Variants in CDH12 observed in about 807,000 individuals in gnomAD.
CDH12 encodes cadherin-12.
CDH12 carries 41 observed loss-of-function variants against 74.1 expected under a neutral mutation model. The observed-to-expected ratio is 0.55, with a 90% CI of 0.43 to 0.72. The LOEUF is 0.72. CDH12 is among the 30% of genes least tolerant of loss of function. The probability of loss-of-function intolerance (pLI) is 0.00; values close to 1 mark genes in which losing one functional copy is unlikely to be tolerated. For missense variants in CDH12, 945 were observed against 977.2 expected, an observed-to-expected ratio of 0.97 and a Z score of 0.44; for synonymous variants, 399 against 355.0, an observed-to-expected ratio of 1.12 and a Z score of -1.39.
intron 2 of CDH12, among the ~76,000 whole-genome samples, chr5:22,492,350 G>GA (rs11395240): frequency 0.91 from 135,354 of 148,490 alleles, 61,736 homozygotes; most frequent in Admixed American, 0.95. Flanking sequence ...TACTAAAAAT[G>GA]TTTTTTTTTT....
At chr5:22,115,724 G>A (rs1349480129) in intron 4 of CDH12, among the ~76,000 whole-genome samples, 1 of 113,774 alleles carries the variant, frequency 8.8e-6, no homozygotes, top group Non-Finnish European at 1.7e-5. Flanking sequence ...ACAGACTCTC[G>A]CCCTGTCACC....
chr5:22,535,407 T>C (rs569312737), intron 1 of CDH12, among the ~76,000 whole-genome samples: 8 of 152,008 alleles, frequency 5.3e-5, no homozygotes, highest in South Asian at 2.1e-4. Context: ...CCGCCCGCCT[T>C]GGCCTCCCAA....
chr5:21,918,469 G>T (rs1470776776), intron 6 of CDH12, among the ~76,000 whole-genome samples: 1 of 151,940 alleles, frequency 6.6e-6, no homozygotes, highest in African/African-American at 2.4e-5. Context: ...AAAGGAAAAA[G>T]GTTTAATTGA....
In CDH12 at chr5:22,430,824, C is replaced by CTT. The variant is rs199599709; in HGVS notation, c.-427-25475_-427-25474dup. On this transcript the variant is annotated intron_variant, in intron 2 of 14. Transcript: ENST00000382254. ...GCCAAGCAGCTAAAATTAGAAACTACTTTTTTTTTTTCTTAGCAAGTAGCT... is the reference window on the plus strand; with the variant it reads ...GCCAAGCAGCTAAAATTAGAAACTACTTTTTTTTTTTTTCTTAGCAAGTAGCT... Among the ~76,000 whole-genome samples, 4 of 148,374 alleles carry CTT rather than the reference C, an allele frequency of 2.7e-5. No homozygotes were observed. In the South Asian group the frequency reaches 8.5e-4, roughly 32 times the overall value.
intron 4 of CDH12, among the ~76,000 whole-genome samples, chr5:22,184,306 GGTTTTTGAA>G (rs1749811851): frequency 6.6e-6 from 1 of 152,030 alleles, no homozygotes; most frequent in African/African-American, 2.4e-5. Flanking sequence ...ATTGACCCTT[GGTTTTTGAA>G]ACTAAAAATA....
chr5:22,275,660 A>C (rs2150403152), intron 3 of CDH12, among the ~76,000 whole-genome samples: 1 of 152,326 alleles, frequency 6.6e-6, no homozygotes, highest in African/African-American at 2.4e-5. Flanking sequence ...CCTTAATATC[A>C]ATAATTAAGA....
At chr5:21,837,468 GT>G (rs11321099) in intron 8 of CDH12, among the ~76,000 whole-genome samples, 28,757 of 138,908 alleles carry the variant, frequency 0.21, 2,761 homozygotes, top group East Asian at 0.29. Flanking sequence ...CTGGAGAAAG[GT>G]TTTTTTTTTT....
At chr5:22,075,054 T>C (rs933432159) in intron 5 of CDH12, among the ~76,000 whole-genome samples, 9 of 152,110 alleles carry the variant, frequency 5.9e-5, no homozygotes, top group Admixed American at 2.6e-4. Context: ...AGACTTGGAA[T>C]CGACCCAAAT....
intron 5 of CDH12, among the ~76,000 whole-genome samples, chr5:21,980,671 G>T (rs1757269000): frequency 6.6e-6 from 1 of 152,030 alleles, no homozygotes; most frequent in East Asian, 1.9e-4. Flanking sequence ...TTTGTCTTTT[G>T]TTTTCTGAGA....
intron 4 of CDH12, among the ~76,000 whole-genome samples, chr5:22,173,408 A>G (rs1442217384): frequency 8.4e-6 from 1 of 118,976 alleles, no homozygotes; most frequent in Non-Finnish European, 2.0e-5. Flanking sequence ...AATAAATATT[A>G]ATAAATATTA....
chr5:21,995,949 T>C (rs1199102598), intron 5 of CDH12, among the ~76,000 whole-genome samples: 4 of 152,102 alleles, frequency 2.6e-5, no homozygotes, highest in Non-Finnish European at 5.9e-5. Context: ...ACCCATTTTA[T>C]GTCTTGAATC....
chr5:22,005,129 C>T (rs559996031), intron 5 of CDH12, among the ~76,000 whole-genome samples: 5 of 152,222 alleles, frequency 3.3e-5, no homozygotes, highest in South Asian at 4.1e-4. Flanking sequence ...CAGCCTTTGC[C>T]TCCTGGGTTC....
intron 10 of CDH12, 52 bp downstream of exon 10, chr5:21,802,113 CTT>C (rs1747142933): frequency 6.5e-7 from 1 of 1,530,444 alleles, no homozygotes; most frequent in African/African-American, 1.4e-5. Flanking sequence ...GGTTTTTGTT[CTT>C]GTTTTGTTTT....
chr5:21,969,009 A>G, intron 6 of CDH12, among the ~76,000 whole-genome samples: 1 of 152,052 alleles, frequency 6.6e-6, no homozygotes, highest in Non-Finnish European at 1.5e-5. Flanking sequence ...GGAGCATTAG[A>G]AAAAATAACT....
chr5:21,767,766 C>T (rs182725113), intron 11 of CDH12, among the ~76,000 whole-genome samples: 112 of 151,650 alleles, frequency 7.4e-4, no homozygotes, highest in Non-Finnish European at 1.3e-3. Context: ...TCAAAACTTT[C>T]CATAATTAAA....
intron 3 of CDH12, among the ~76,000 whole-genome samples, chr5:22,336,030 G>A (rs1284074654): frequency 1.3e-5 from 2 of 152,116 alleles, no homozygotes; most frequent in Admixed American, 6.5e-5. Flanking sequence ...AAGCTGAGGT[G>A]GTTGCAGATG....
intron 6 of CDH12, among the ~76,000 whole-genome samples, chr5:21,893,550 G>A (rs1352001673): frequency 6.6e-6 from 1 of 152,144 alleles, no homozygotes; most frequent in East Asian, 1.9e-4. Context: ...AATTTTTAGT[G>A]TAGTACCCCA....
At chr5:21,974,819 C>A (rs1381870392) in intron 6 of CDH12, among the ~76,000 whole-genome samples, 1 of 152,096 alleles carries the variant, frequency 6.6e-6, no homozygotes, top group African/African-American at 2.4e-5. Flanking sequence ...ATACAAAATA[C>A]ATTTTTTGCT....
intron 6 of CDH12, among the ~76,000 whole-genome samples, chr5:21,924,549 A>C (rs1359646458): frequency 4.6e-5 from 7 of 151,468 alleles, no homozygotes; most frequent in Non-Finnish European, 7.4e-5. Context: ...TAAATAAATA[A>C]ATAAATAAAT....
Sources: gnomAD v4.1 joint callset for allele counts (sites outside exome capture counted in the v4.1 genomes callset) on GRCh38, gnomAD v4.1.1 for gene constraint, MANE v1.5 for transcripts, NCBI Gene and HGNC (gene_info 2026-07-23, HGNC 2026-07-21) for gene names.